PCDHGA10: variants seen among roughly 807,000 people sequenced by gnomAD.
PCDHGA10 encodes the protein protocadherin gamma-A10.
A neutral mutation model predicts 59.5 loss-of-function variants in PCDHGA10; 42 were observed. That is an observed-to-expected ratio of 0.71 (90% confidence interval 0.55 to 0.91). PCDHGA10 has a LOEUF of 0.91. PCDHGA10 is among the 40% of genes least tolerant of loss of function. The pLI, the probability that PCDHGA10 is intolerant of heterozygous loss-of-function variation, is 0.00. For missense variants in PCDHGA10, 1,111 were observed against 1,198.2 expected (o/e 0.93, Z 1.07); for synonymous variants, 511 against 517.2 (o/e 0.99, Z 0.16).
chr5:141,419,589 C>T (rs1187251820), intron 1 of PCDHGA10: 1 of 1,611,856 alleles, frequency 6.2e-7, no homozygotes, highest in Non-Finnish European at 8.5e-7. Flanking sequence ...CTCTTCGACA[C>T]AGTGCCGCGG....
In PCDHGA10 at chr5:141,487,476, A is replaced by G; in HGVS notation, c.2437-7331A>G. Reference sequence around the variant, plus strand: ...ATCAAGTTTGTTGATGTGGGAGGCCACTCTCATGGCTGTACACCCTTGGCT... The same window carrying G: ...ATCAAGTTTGTTGATGTGGGAGGCCGCTCTCATGGCTGTACACCCTTGGCT... On this transcript the variant is annotated intron_variant, in intron 1 of 3. Transcript: ENST00000398610. The surrounding 1 kb of genome is among the most constrained non-coding windows in gnomAD (Gnocchi z 5.0). The G allele has an allele frequency of 6.2e-7, 1 of 1,614,004 alleles. No homozygotes were observed. Among genetic ancestry groups the G allele is most frequent in the Non-Finnish European group, 8.5e-7 (1 of 1,180,002 alleles).
chr5:141,481,351 A>G (rs2099536232), intron 1 of PCDHGA10, among the ~76,000 whole-genome samples: 1 of 152,152 alleles, frequency 6.6e-6, no homozygotes, highest in Non-Finnish European at 1.5e-5. Context: ...TTAAACATCT[A>G]CAGCTGTTCA....
rs1444244130 is a variant in PCDHGA10 at position 141,433,401 on chromosome 5, A to ATCTATCTC, written c.2436+17795_2436+17796insCTCTCTAT. The stretch of plus-strand genomic sequence containing the variant: ...TATCTATCTATCTATCTATCTATCT[A>ATCTATCTC]TCTATTACTTTCTTGTACAGACAGG... On this transcript the variant is annotated intron_variant, in intron 1 of 3. Transcript: ENST00000398610. Among the ~76,000 whole-genome samples, 100 of 150,598 alleles carry ATCTATCTC rather than the reference A, an allele frequency of 6.6e-4. 1 individual carries two copies. Among genetic ancestry groups the ATCTATCTC allele is most frequent in the African/African-American group, 2.4e-3 (100 of 40,958 alleles).
intron 1 of PCDHGA10, among the ~76,000 whole-genome samples, chr5:141,433,553 T>C (rs530467777): frequency 1.3e-5 from 2 of 151,614 alleles, no homozygotes; most frequent in African/African-American, 4.8e-5. Flanking sequence ...TATTCTTTTC[T>C]GGCTGGGCGC....
rs140916255 is a variant in PCDHGA10, at chr5:141,475,995, C to A, written c.2437-18812C>A. 2,057 of 1,172,604 alleles carry A rather than the reference C, an allele frequency of 1.8e-3. 30 individuals carry two copies. The African/African-American group carries it at 0.027, about 16-fold the overall frequency. 72.6% of individuals were successfully genotyped at this position (1,172,604 alleles called of 1,614,324 possible). ...ACTGAACAGCCGGCGAGCAAATCAA[C>A]GGCATCCAGAAAGCCATGTCGGACT... On this transcript the variant is annotated intron_variant, in intron 1 of 3. Coordinates refer to ENST00000398610, the MANE Select transcript of PCDHGA10 (RefSeq NM_018913.3).
intron 1 of PCDHGA10, chr5:141,442,016 C>CCA (rs1561906409): frequency 4.6e-6 from 1 of 219,336 alleles, no homozygotes; most frequent in African/African-American, 2.4e-5. Context: ...GCACGATGGG[C>CCA]CACAGGAAAG....
At position 141,489,662 on chromosome 5, in the gene PCDHGA10, G is replaced by A. The variant is rs2233601; in HGVS notation, c.2437-5145G>A. On this transcript the variant is annotated intron_variant, in intron 1 of 3. Coordinates refer to ENST00000398610, the MANE Select transcript of PCDHGA10 (RefSeq NM_018913.3). This position sits in a 1 kb window ranked among gnomAD's most constrained non-coding sequence, Gnocchi z 4.5. ...TTTGCCACCCCTGAGCGAGAGATGC[G>A]CATCTCAGAATCAGCAGCATCTGGG... The A allele has an allele frequency of 4.0e-4, 649 of 1,614,144 alleles. 2 individuals are homozygous for A. The highest frequency in any genetic ancestry group is 1.5e-3 in the Middle Eastern group (9 of 6,062).
intron 1 of PCDHGA10, among the ~76,000 whole-genome samples, chr5:141,453,623 T>C (rs1264665094): frequency 1.3e-5 from 2 of 152,238 alleles, no homozygotes; most frequent in Admixed American, 1.3e-4. Flanking sequence ...AAACAAAACC[T>C]ATACATATTT....
At position 141,485,299 on chromosome 5, in the gene PCDHGA10, G is replaced by A; in HGVS notation, c.2437-9508G>A. On this transcript the variant is annotated intron_variant, in intron 1 of 3. Coordinates refer to ENST00000398610, the MANE Select transcript of PCDHGA10 (RefSeq NM_018913.3). The surrounding 1 kb of genome is among the most constrained non-coding windows in gnomAD (Gnocchi z 5.7). ...CGGTCCCAGAGGAGTCACAGGAAGG[G>A]ACTTTTGTAGGGAATGTCGCTCAAG... 1 of 1,614,180 alleles carries A rather than the reference G, an allele frequency of 6.2e-7. No individual in the cohort carries two copies. Among genetic ancestry groups the A allele is most frequent in the Non-Finnish European group, 8.5e-7 (1 of 1,180,012 alleles).
At chr5:141,504,147 T>C (rs2099836026) in intron 2 of PCDHGA10, among the ~76,000 whole-genome samples, 1 of 152,198 alleles carries the variant, frequency 6.6e-6, no homozygotes, top group South Asian at 2.1e-4. Flanking sequence ...CCCCTGCAAA[T>C]TGAAATAATT....
chr5:141,456,178 A>G (rs1216202318), intron 1 of PCDHGA10, among the ~76,000 whole-genome samples: 1 of 151,926 alleles, frequency 6.6e-6, no homozygotes, highest in African/African-American at 2.4e-5. Context: ...ATTACAGAAT[A>G]ATTTCTTAAT....
intron 1 of PCDHGA10, among the ~76,000 whole-genome samples, chr5:141,449,588 CAAAAAAAA>C (rs768743917): frequency 1.7e-5 from 1 of 57,492 alleles, no homozygotes; most frequent in South Asian, 6.3e-4. Context: ...GACTCTGTCT[CAAAAAAAA>C]AAAAAAAAAA....
chr5:141,453,144 C>T lies in PCDHGA10; in HGVS notation c.2436+37533C>T, dbSNP rs530175947. ...TTGTTTTGTTTTTGAGATAGGGTCT[C>T]GCTATGTCACCCAGGCTGGAGTCCA... On this transcript the variant is annotated intron_variant, in intron 1 of 3. Transcript: ENST00000398610. Among the ~76,000 whole-genome samples, 290 of 152,062 alleles carry T rather than the reference C, an allele frequency of 1.9e-3. 1 individual carries two copies. The highest frequency in any genetic ancestry group is 6.3e-3 in the African/African-American group (260 of 41,478).
chr5:141,431,603 C>T lies in PCDHGA10; in HGVS notation c.2436+15992C>T, dbSNP rs746243366. On this transcript the variant is annotated intron_variant, in intron 1 of 3. Coordinates refer to ENST00000398610, the MANE Select transcript of PCDHGA10 (RefSeq NM_018913.3). This position sits in a 1 kb window ranked among gnomAD's most constrained non-coding sequence, Gnocchi z 4.8. ...CAATGCGGAAGTGAGGTATTCCTTC[C>T]GGTATGTGGACGACAAGGCGGCCCA... is the stretch of plus-strand genomic sequence containing the variant. 1.1e-5 allele frequency: 17 copies of T among 1,614,212 alleles called. No individual in the cohort carries two copies. Among genetic ancestry groups the T allele is most frequent in the Non-Finnish European group, 1.4e-5 (16 of 1,180,044 alleles).
In PCDHGA10 at chr5:141,477,244, G is replaced by T. The variant is rs367944211; in HGVS notation, c.2437-17563G>T. On this transcript the variant is annotated intron_variant, in intron 1 of 3. Coordinates refer to ENST00000398610, the MANE Select transcript of PCDHGA10 (RefSeq NM_018913.3). The surrounding 1 kb of genome is among the most constrained non-coding windows in gnomAD (Gnocchi z 4.9). ...GGACTGTCATCGCTTTGCTCAGTGT[G>T]ACTGACCTGGATGCTGGCGAGAACG... 9 of 1,614,190 alleles carry T rather than the reference G, an allele frequency of 5.6e-6. No homozygotes were observed. Among genetic ancestry groups the T allele is most frequent in the Non-Finnish European group, 7.6e-6 (9 of 1,180,052 alleles).
At position 141,432,289 on chromosome 5, in the gene PCDHGA10, C is replaced by A. The variant is rs762278053; in HGVS notation, c.2436+16678C>A. 2 of 1,614,148 alleles carry A rather than the reference C, an allele frequency of 1.2e-6. No individual in the cohort carries two copies. Among genetic ancestry groups the A allele is most frequent in the African/African-American group, 2.7e-5 (2 of 74,952 alleles). On this transcript the variant is annotated intron_variant, in intron 1 of 3. Coordinates refer to ENST00000398610, the MANE Select transcript of PCDHGA10 (RefSeq NM_018913.3). The surrounding 1 kb of genome is among the most constrained non-coding windows in gnomAD (Gnocchi z 6.0). ...CGTCCTACGTGTCCATCAACTCCGA[C>A]ACTGGGGTACTGTATGCGCTGAGCT...
chr5:141,420,022 T>A, intron 1 of PCDHGA10: 3 of 1,614,104 alleles, frequency 1.9e-6, no homozygotes, highest in Middle Eastern at 3.3e-4. Flanking sequence ...CTTTCAGCCC[T>A]ACTGCAGGAG....
At chr5:141,506,700 G>A (rs780282969) in intron 3 of PCDHGA10, among the ~76,000 whole-genome samples, 3 of 152,138 alleles carry the variant, frequency 2.0e-5, no homozygotes, top group Non-Finnish European at 2.9e-5. Flanking sequence ...ACCCAAACCC[G>A]TTTTTTACTG....
intron 1 of PCDHGA10, among the ~76,000 whole-genome samples, chr5:141,444,372 T>C (rs967151811): frequency 6.6e-6 from 1 of 151,998 alleles, no homozygotes. Context: ...GGTTTCTCCA[T>C]GTTGGTCAGG....
Sources: gnomAD v4.1 joint callset for allele counts (sites outside exome capture counted in the v4.1 genomes callset) on GRCh38, gnomAD v4.1.1 for gene constraint, Gnocchi (gnomAD v3.1) non-coding constraint, MANE v1.5 for transcripts, NCBI Gene and HGNC (gene_info 2026-07-23, HGNC 2026-07-21) for gene names.